PREX2: variants seen among roughly 807,000 people sequenced by gnomAD.
PREX2 encodes the protein phosphatidylinositol-3,4,5-trisphosphate dependent Rac exchange factor 2.
Under a neutral mutation model 203.2 loss-of-function variants are expected in PREX2, and 107 were observed. The ratio of observed to expected loss-of-function variants is 0.53; its 90% CI spans 0.45 to 0.62. PREX2 has a LOEUF of 0.62. Among genes scored for constraint, PREX2 ranks in the 20% least tolerant of loss-of-function variants. The pLI, the probability that PREX2 is intolerant of heterozygous loss-of-function variation, is 0.00. For missense variants in PREX2, 1,777 were observed against 1,955.9 expected, an observed-to-expected ratio of 0.91 and a Z score of 1.72; for synonymous variants, 672 against 663.6, an observed-to-expected ratio of 1.01 and a Z score of -0.19.
intron 35 of PREX2, among the ~76,000 whole-genome samples, chr8:68,162,856 C>G (rs1031545549): frequency 2.6e-5 from 4 of 152,198 alleles, no homozygotes; most frequent in Non-Finnish European, 5.9e-5. Flanking sequence ...AATCCAAAGA[C>G]ATAAGCTCAC....
intron 35 of PREX2, among the ~76,000 whole-genome samples, chr8:68,160,166 A>C (rs2129613982): frequency 6.6e-6 from 1 of 152,170 alleles, no homozygotes; most frequent in East Asian, 1.9e-4. Context: ...TTCTTAGTCC[A>C]ATGGTATGAT....
chr8:67,973,017 T>G (rs1296983259), intron 1 of PREX2, among the ~76,000 whole-genome samples: 1 of 152,180 alleles, frequency 6.6e-6, no homozygotes, highest in Non-Finnish European at 1.5e-5. Flanking sequence ...ACTGGAAGGC[T>G]CAGTGTCATC....
chr8:67,962,600 AT>A (rs1277016814), intron 1 of PREX2, among the ~76,000 whole-genome samples: 3 of 125,572 alleles, frequency 2.4e-5, no homozygotes, highest in Admixed American at 8.5e-5. Flanking sequence ...GTATTTATAT[AT>A]TTTATTTTTT....
At chr8:68,052,864 G>A (rs1308243450) in intron 8 of PREX2, among the ~76,000 whole-genome samples, 1 of 152,182 alleles carries the variant, frequency 6.6e-6, no homozygotes. Context: ...TTAGTTTCAT[G>A]TAATGTATTA....
intron 30 of PREX2, among the ~76,000 whole-genome samples, chr8:68,126,470 AG>A (rs1407397728): frequency 2.0e-5 from 3 of 152,116 alleles, no homozygotes; most frequent in Non-Finnish European, 4.4e-5. Flanking sequence ...ATATAACAGC[AG>A]TCTTCTGACT....
chr8:68,179,393 G>A (rs546043018), intron 35 of PREX2, among the ~76,000 whole-genome samples: 1 of 152,074 alleles, frequency 6.6e-6, no homozygotes, highest in East Asian at 1.9e-4. Context: ...ATCTGTGTGT[G>A]TTCTTTAAAC....
At chr8:68,152,289 G>GAAAAAAAAAAAAA (rs573525316) in intron 34 of PREX2, among the ~76,000 whole-genome samples, 2 of 72,918 alleles carry the variant, frequency 2.7e-5, no homozygotes, top group East Asian at 4.7e-4. Context: ...CCCTCTCAGA[G>GAAAAAAAAAAAAA]AAAAAAAAAA....
intron 13 of PREX2, among the ~76,000 whole-genome samples, 170 bp from the exon 14 acceptor site, chr8:68,072,325 T>A (rs1809220949): frequency 6.6e-6 from 1 of 152,204 alleles, no homozygotes; most frequent in Non-Finnish European, 1.5e-5. Context: ...GTGTTTTACA[T>A]GCATAATAAA....
intron 7 of PREX2, among the ~76,000 whole-genome samples, chr8:68,042,042 T>C (rs1436555613): frequency 6.6e-6 from 1 of 152,074 alleles, no homozygotes; most frequent in Non-Finnish European, 1.5e-5. Flanking sequence ...TCCATTCCCT[T>C]CCAGGACTGG....
Position 68,134,212 on chromosome 8 carries a change from G to A in PREX2, c.3920G>A (p.Trp1307Ter). ...GAAACTTGGGAAGCCAGCAGGAGGT[G>A]GCTGGACCAGATAGCGAATGCAGGT... Reference protein sequence around the residue: ...EMETWEASRRWLDQIANAGVL... With the variant: ...EMETWEASRR The change falls in exon 32 of 40, where the codon TGG becomes TAG. Residue 1307 changes from tryptophan to a stop codon, truncating the protein, a stop_gained. Coordinates refer to ENST00000288368, the MANE Select transcript of PREX2 (RefSeq NM_024870.4). LOFTEE classifies it high-confidence loss of function. 1 of 1,614,112 alleles carries A rather than the reference G, an allele frequency of 6.2e-7. No individual in the cohort carries two copies. The highest frequency in any genetic ancestry group is 8.5e-7 in the Non-Finnish European group (1 of 1,180,010).
chr8:68,131,109 C>T (rs1289980681), intron 31 of PREX2, among the ~76,000 whole-genome samples: 2 of 152,220 alleles, frequency 1.3e-5, no homozygotes, highest in African/African-American at 2.4e-5. Context: ...ACACTTCTGA[C>T]TGCTTTCAGA....
At chr8:68,007,714 A>G (rs1311354702) in intron 1 of PREX2, among the ~76,000 whole-genome samples, 1 of 152,106 alleles carries the variant, frequency 6.6e-6, no homozygotes, top group Non-Finnish European at 1.5e-5. Flanking sequence ...GGTTCATACC[A>G]TTCTCCTGCC....
chr8:68,060,752 T>C lies in PREX2; in HGVS notation c.1312T>C (p.Leu438=). 6.2e-7 allele frequency: 1 copy of C among 1,610,266 alleles called. No individual in the cohort carries two copies. Among genetic ancestry groups the C allele is most frequent in the Non-Finnish European group, 8.5e-7 (1 of 1,178,138 alleles). Residue 438 remains leucine (L), a synonymous_variant, in exon 11 of 40, where the codon TTA becomes CTA. Transcript: ENST00000288368. ...PEEGVHLGQA[L]LENGIIHHVT... is the part of the protein sequence containing the mutation. ...GGAAGGCGTGCACTTGGGACAAGCA[T>C]TATTAGAAAATGGAATCATTCACCA...
At chr8:68,000,122 T>G (rs1806897490) in intron 1 of PREX2, among the ~76,000 whole-genome samples, 2 of 152,026 alleles carry the variant, frequency 1.3e-5, no homozygotes, top group Admixed American at 1.3e-4. Flanking sequence ...TCAGGGCAAT[T>G]AGGCAAGAGA....
chr8:68,054,386 A>G (rs1326911023), intron 9 of PREX2, among the ~76,000 whole-genome samples: 1 of 93,898 alleles, frequency 1.1e-5, no homozygotes, highest in African/African-American at 8.1e-5. Flanking sequence ...CAAAATAAAA[A>G]CCCCCAAACG....
intron 6 of PREX2, among the ~76,000 whole-genome samples, chr8:68,036,265 C>T (rs530875025): frequency 2.6e-5 from 4 of 152,128 alleles, no homozygotes; most frequent in Non-Finnish European, 5.9e-5. Flanking sequence ...ATAACGATGT[C>T]ATAATAGTTA....
chr8:68,132,627 T>G lies in PREX2; in HGVS notation c.3767-1432T>G, dbSNP rs563755336. Reference sequence around the variant, plus strand: ...AGATGTTCAGTGTTCTTGGTAAATCTTAAAAATTATGCCTTTTTTGTCAAT... The same window carrying G: ...AGATGTTCAGTGTTCTTGGTAAATCGTAAAAATTATGCCTTTTTTGTCAAT... On this transcript the variant is annotated intron_variant, in intron 31 of 39. Coordinates refer to ENST00000288368, the MANE Select transcript of PREX2 (RefSeq NM_024870.4). 6.2e-4 allele frequency among the ~76,000 whole-genome samples: 94 copies of G among 152,298 alleles called. 1 individual carries two copies. The highest frequency in any genetic ancestry group is 2.2e-3 in the African/African-American group (91 of 41,556).
intron 7 of PREX2, 88 bp downstream of exon 7, chr8:68,038,380 C>A: frequency 1.5e-6 from 2 of 1,336,278 alleles, no homozygotes; most frequent in South Asian, 1.4e-5. Flanking sequence ...ATCCAGCTCA[C>A]AGTTTCTACC....
At chr8:68,031,842 T>C (rs1384978900) in intron 6 of PREX2, among the ~76,000 whole-genome samples, 2 of 152,218 alleles carry the variant, frequency 1.3e-5, no homozygotes, top group African/African-American at 2.4e-5. Flanking sequence ...GGAATTCTGT[T>C]GTCACTCAAA....
Sources: gnomAD v4.1 joint callset for allele counts (sites outside exome capture counted in the v4.1 genomes callset) on GRCh38, gnomAD v4.1.1 for gene constraint, MANE v1.5 for transcripts, NCBI Gene and HGNC (gene_info 2026-07-23, HGNC 2026-07-21) for gene names.